The following FREM1 variants were observed in gnomAD, a reference collection of about 807,000 sequenced individuals.
FREM1 encodes the protein FRAS1-related extracellular matrix protein 1.
A neutral mutation model predicts 210.1 loss-of-function variants in FREM1; 220 were observed. That is an observed-to-expected ratio of 1.05 (90% CI 0.94 to 1.17). The LOEUF is 1.17. Among genes scored for constraint, FREM1 ranks in the 50% most tolerant of loss-of-function variants. FREM1 has a pLI of 0.00. For synonymous variants in FREM1, 1,189 were observed against 980.2 expected (o/e 1.21, Z -3.98); for missense variants, 3,454 against 2,675.5 (o/e 1.29, Z -6.42).
intron 1 of FREM1, among the ~76,000 whole-genome samples, chr9:14,903,334 A>C (rs1839113558): frequency 6.6e-6 from 1 of 152,250 alleles, no homozygotes; most frequent in South Asian, 2.1e-4. Context: ...AGAATGACTG[A>C]TGAGGAAAGC....
intron 1 of FREM1, among the ~76,000 whole-genome samples, chr9:14,891,057 C>T (rs1485741375): frequency 6.6e-6 from 1 of 152,202 alleles, no homozygotes; most frequent in African/African-American, 2.4e-5. Flanking sequence ...TGTACCAAAA[C>T]TCACACCTAG....
chr9:14,878,032 T>A (rs1051168858), intron 1 of FREM1, among the ~76,000 whole-genome samples: 1 of 152,202 alleles, frequency 6.6e-6, no homozygotes, highest in African/African-American at 2.4e-5. Flanking sequence ...TGCAATAGCA[T>A]CCTATTTGAT....
intron 10 of FREM1, among the ~76,000 whole-genome samples, chr9:14,834,889 G>A (rs1327275821): frequency 1.0e-5 from 1 of 96,636 alleles, no homozygotes; most frequent in East Asian, 2.5e-4. Flanking sequence ...TTCTTTGCCA[G>A]TCATGTTTTT....
chr9:14,861,172 T>A (rs1451810339), intron 3 of FREM1, among the ~76,000 whole-genome samples: 1 of 136,256 alleles, frequency 7.3e-6, no homozygotes, highest in Non-Finnish European at 1.5e-5. Flanking sequence ...TACACATGTA[T>A]GTACATATAT....
At chr9:14,889,002 G>A (rs530368050) in intron 1 of FREM1, among the ~76,000 whole-genome samples, 8 of 152,152 alleles carry the variant, frequency 5.3e-5, no homozygotes, top group African/African-American at 1.9e-4. Flanking sequence ...AGCATTTTCT[G>A]TATTACTAAA....
chr9:14,817,834 G>C (rs779431089), intron 14 of FREM1, among the ~76,000 whole-genome samples: 1 of 152,024 alleles, frequency 6.6e-6, no homozygotes, highest in Non-Finnish European at 1.5e-5. Context: ...ATCCTCTCAC[G>C]CACTACCCGC....
chr9:14,864,895 G>T (rs1041032471), intron 2 of FREM1, among the ~76,000 whole-genome samples: 2 of 152,176 alleles, frequency 1.3e-5, no homozygotes, highest in African/African-American at 4.8e-5. Context: ...CAACTAGGAA[G>T]GAGATAAAGC....
intron 3 of FREM1, among the ~76,000 whole-genome samples, chr9:14,860,758 T>TACAC (rs1261485416): frequency 1.8e-4 from 20 of 111,116 alleles, no homozygotes; most frequent in East Asian, 4.2e-4. Context: ...TGCACATATA[T>TACAC]ATGCACATAT....
chr9:14,791,538 C>G (rs543996032), intron 22 of FREM1, among the ~76,000 whole-genome samples: 1 of 152,148 alleles, frequency 6.6e-6, no homozygotes, highest in African/African-American at 2.4e-5. Context: ...CCTTTTTGGT[C>G]CAAGACTTTG....
rs768076810 is a variant in FREM1 at position 14,750,137 on chromosome 9, G to A, written c.5547C>T (p.Asp1849=). ...TKTKAAVKIL[D]SKGGQCHPSY... ...GGATCAAAAGAATACCTCCTTTTGA[G>A]TCCAAAATTTTCACTGCAGCTTTTG... Residue 1849 remains aspartate, a synonymous_variant, in exon 30 of 37, where the codon GAC becomes GAT. Transcript: ENST00000380880. The A allele has an allele frequency of 1.2e-6, 2 of 1,613,620 alleles. No individual in the cohort carries two copies. The highest frequency in any genetic ancestry group is 4.5e-5 in the East Asian group (2 of 44,876).
chr9:14,834,282 A>C (rs1824128659), intron 10 of FREM1, among the ~76,000 whole-genome samples: 2 of 152,152 alleles, frequency 1.3e-5, no homozygotes, highest in African/African-American at 2.4e-5. Flanking sequence ...GTTGCCTTGA[A>C]ATGAAGTGCA....
At chr9:14,765,235 C>A (rs1846182684) in intron 27 of FREM1, among the ~76,000 whole-genome samples, 1 of 152,178 alleles carries the variant, frequency 6.6e-6, no homozygotes, top group Admixed American at 6.5e-5. Flanking sequence ...ATGCTATGAA[C>A]ACCTGTGTTT....
At chr9:14,805,632 T>TTTAAGCCC (rs1183356370) in intron 18 of FREM1, among the ~76,000 whole-genome samples, 3 of 152,220 alleles carry the variant, frequency 2.0e-5, no homozygotes, top group Non-Finnish European at 4.4e-5. Context: ...GCTGTTTTAG[T>TTTAAGCCC]ATTTTGACAT....
At chr9:14,835,826 G>A (rs7047436) in intron 10 of FREM1, among the ~76,000 whole-genome samples, 14,247 of 152,198 alleles carry the variant, frequency 0.094, 861 homozygotes, top group South Asian at 0.17. Context: ...TTTACCAAAA[G>A]TGAAGACTGA....
chr9:14,742,358 T>C (rs571759602), intron 35 of FREM1, among the ~76,000 whole-genome samples: 1 of 152,232 alleles, frequency 6.6e-6, no homozygotes, highest in African/African-American at 2.4e-5. Context: ...TCATAGATAA[T>C]GCTCTATAAT....
In FREM1 at chr9:14,756,485, A is replaced by G. The variant is rs10810233; in HGVS notation, c.5335-39T>C. The G allele has an allele frequency of 0.51, 720,275 of 1,406,000 alleles. 187,684 individuals are homozygous for G. The highest frequency in any genetic ancestry group is 0.54 in the East Asian group (21,842 of 40,220). The allele number at this position is 1,406,000 out of a possible 1,614,324, so 87.1% of individuals were successfully genotyped here. On this transcript the variant is annotated intron_variant, in intron 28 of 36. Transcript: ENST00000380880. Reference sequence around the variant, plus strand: ...AAAAAATCTTTTTAAGATAAAAATAAATATTCTACAATAGAGAAACAGCTA... The same window carrying G: ...AAAAAATCTTTTTAAGATAAAAATAGATATTCTACAATAGAGAAACAGCTA...
At chr9:14,859,997 C>T (rs534111267) in intron 3 of FREM1, among the ~76,000 whole-genome samples, 1 of 152,260 alleles carries the variant, frequency 6.6e-6, no homozygotes, top group Admixed American at 6.5e-5. Context: ...TCCATTCCCT[C>T]CATCCACTTA....
chr9:14,849,476 G>A (rs190124438), intron 6 of FREM1, among the ~76,000 whole-genome samples: 10 of 152,198 alleles, frequency 6.6e-5, no homozygotes, highest in African/African-American at 2.2e-4. Flanking sequence ...TGCACCAGAT[G>A]TTGACAGAGA....
At chr9:14,854,926 G>A (rs917375289) in intron 5 of FREM1, among the ~76,000 whole-genome samples, 1 of 152,028 alleles carries the variant, frequency 6.6e-6, no homozygotes, top group Non-Finnish European at 1.5e-5. Flanking sequence ...GTTCAATAAA[G>A]TGAGATACTT....
Sources: gnomAD v4.1 joint callset for allele counts (sites outside exome capture counted in the v4.1 genomes callset) on GRCh38, gnomAD v4.1.1 for gene constraint, MANE v1.5 for transcripts, NCBI Gene and HGNC (gene_info 2026-07-23, HGNC 2026-07-21) for gene names.